The following PLCG1 variants were observed in gnomAD, a reference collection of about 807,000 sequenced individuals.
PLCG1 encodes the protein 1-phosphatidylinositol 4,5-bisphosphate phosphodiesterase gamma-1.
A neutral mutation model predicts 177.8 loss-of-function variants in PLCG1; 71 were observed. That is an observed-to-expected ratio of 0.40 (90% CI 0.33 to 0.49). The LOEUF (loss-of-function observed/expected upper bound fraction) is 0.49, where lower values mean the gene tolerates loss of function less well. PLCG1 is among the 20% of genes least tolerant of loss of function. PLCG1 has a pLI of 0.72. For synonymous variants in PLCG1, 658 were observed against 647.9 expected (o/e 1.02, Z -0.24); for missense variants, 1,281 against 1,709.0 (o/e 0.75, Z 4.42).
rs928880030 is a variant in PLCG1 at position 41,157,901 on chromosome 20, C to T, written c.218-1705C>T. Among the ~76,000 whole-genome samples, 2 of 152,104 alleles carry T rather than the reference C, an allele frequency of 1.3e-5. No homozygotes were observed. Among genetic ancestry groups the T allele is most frequent in the African/African-American group, 4.8e-5 (2 of 41,386 alleles). On this transcript the variant is annotated intron_variant, in intron 1 of 31. Coordinates refer to ENST00000685551, the MANE Select transcript of PLCG1 (RefSeq NM_002660.3). This position sits in a 1 kb window ranked among gnomAD's most constrained non-coding sequence, Gnocchi z 5.4. ...TTGTTCTCCTTAGACTGGCAGTGGGCAGCCTCGGGAGGGGCTTGAATGAGG... is the reference window on the plus strand; with the variant it reads ...TTGTTCTCCTTAGACTGGCAGTGGGTAGCCTCGGGAGGGGCTTGAATGAGG...
chr20:41,162,235 G>GGTT, intron 4 of PLCG1: 1 of 141,422 alleles, frequency 7.1e-6, no homozygotes, highest in Non-Finnish European at 1.3e-5. Flanking sequence ...TTTTGTTTTT[G>GGTT]TTTTTTTTTT....
Position 41,166,243 on chromosome 20 carries a change from G to A in PLCG1, c.1849G>A (p.Gly617Arg). ...CCGTATCCACTCCCGGCAAGATGCT[G>A]GGACCCCCAAGTTCTTCTTGACAGA... ...HCRIHSRQDA[G>R]TPKFFLTDNL... The change falls in exon 17 of 32, where the codon GGG (glycine) becomes AGG (arginine). Residue 617 changes from glycine (G) to arginine (R), a missense_variant. This residue lies in a region of PLCG1 where 723 missense variants were observed against 1,030.0 expected (regional missense o/e 0.70). Transcript: ENST00000685551. The surrounding 1 kb of genome is among the most constrained non-coding windows in gnomAD (Gnocchi z 8.6). The A allele has an allele frequency of 6.2e-7, 1 of 1,614,088 alleles. No individual in the cohort carries two copies.
At chr20:41,168,542 A>T (rs2035780914) in intron 20 of PLCG1, among the ~76,000 whole-genome samples, 4 of 152,186 alleles carry the variant, frequency 2.6e-5, no homozygotes, top group African/African-American at 4.8e-5. Context: ...GTCCCGAGGT[A>T]TTTCACTGGC....
At chr20:41,155,208 A>G (rs1416661850) in intron 1 of PLCG1, among the ~76,000 whole-genome samples, 1 of 152,256 alleles carries the variant, frequency 6.6e-6, no homozygotes, top group East Asian at 1.9e-4. Context: ...CCCAGGTGCC[A>G]GGCAGCAGGC....
chr20:41,154,152 C>T (rs1015257956), intron 1 of PLCG1, among the ~76,000 whole-genome samples: 6 of 152,194 alleles, frequency 3.9e-5, no homozygotes, highest in Admixed American at 3.3e-4. Flanking sequence ...GTCCAGGCCT[C>T]CTGCCCACCT....
rs993691382 is a variant in PLCG1, at chr20:41,150,505, C to T, written c.218-9101C>T. ...ACAGGCCATCTAGAAAGAACTTAGG[C>T]AGCATCAGTCTGCAAGGGAGGCAGA... On this transcript the variant is annotated intron_variant, in intron 1 of 31. Coordinates refer to ENST00000685551, the MANE Select transcript of PLCG1 (RefSeq NM_002660.3). This position sits in a 1 kb window ranked among gnomAD's most constrained non-coding sequence, Gnocchi z 4.0. 6.6e-6 allele frequency among the ~76,000 whole-genome samples: 1 copy of T among 152,102 alleles called. No individual in the cohort carries two copies. Among genetic ancestry groups the T allele is most frequent in the Admixed American group, 6.5e-5 (1 of 15,272 alleles).
intron 1 of PLCG1, among the ~76,000 whole-genome samples, chr20:41,140,796 G>C (rs901553748): frequency 5.3e-5 from 8 of 152,214 alleles, no homozygotes; most frequent in African/African-American, 1.9e-4. Flanking sequence ...CAGTTATGTA[G>C]AGTTCCAGCT....
At chr20:41,169,625 C>A in intron 23 of PLCG1, 99 bp downstream of exon 23, 1 of 917,866 alleles carries the variant, frequency 1.1e-6, no homozygotes, top group African/African-American at 1.6e-5. Flanking sequence ...TGGCTGAACC[C>A]CAAAGTCTGC....
At chr20:41,143,670 A>C (rs2034902522) in intron 1 of PLCG1, among the ~76,000 whole-genome samples, 2 of 152,232 alleles carry the variant, frequency 1.3e-5, no homozygotes, top group Non-Finnish European at 2.9e-5. Context: ...ATTGAGCTGA[A>C]GTGCCTGGAG....
Position 41,159,656 on chromosome 20 carries a change from TTTG to T in PLCG1, c.269_271del (p.Phe90_Asp91delinsTyr), listed in dbSNP as rs1469509735. On this transcript the variant is annotated inframe_deletion, in exon 2 of 32. Coordinates refer to ENST00000685551, the MANE Select transcript of PLCG1 (RefSeq NM_002660.3). This position sits in a 1 kb window ranked among gnomAD's most constrained non-coding sequence, Gnocchi z 6.0. Reference sequence around the variant, plus strand: ...CCGCCCAGGGAAGACCTCACGGGACTTTGATCGCTATCAAGAGGACCCAGCTTT... The same window carrying T: ...CCGCCCAGGGAAGACCTCACGGGACTATCGCTATCAAGAGGACCCAGCTTT... The T allele has an allele frequency of 1.9e-6, 3 of 1,614,234 alleles. No homozygotes were observed. The highest frequency in any genetic ancestry group is 2.5e-6 in the Non-Finnish European group (3 of 1,180,040).
In PLCG1 at chr20:41,164,902, TG is replaced by T; in HGVS notation, c.1218-30del. 2 of 1,599,656 alleles carry T rather than the reference TG, an allele frequency of 1.3e-6. No individual in the cohort carries two copies. Among genetic ancestry groups the T allele is most frequent in the Non-Finnish European group, 1.7e-6 (2 of 1,170,080 alleles). ...CTTAGACCCAGAGAATTGCAGAATC[TG>T]TTTCACTGTGCTTGTCCCCCATCCC... On this transcript the variant is annotated intron_variant, in intron 12 of 31. Transcript: ENST00000685551. The surrounding 1 kb of genome is among the most constrained non-coding windows in gnomAD (Gnocchi z 6.4).
In PLCG1 at chr20:41,151,057, A is replaced by T. The variant is rs1314671600; in HGVS notation, c.218-8549A>T. ...ATGAATGACTGCATAAGCCGAATAG[A>T]TCACTGCTGAGTGCTCTTCCAGCTT... On this transcript the variant is annotated intron_variant, in intron 1 of 31. Transcript: ENST00000685551. The surrounding 1 kb of genome is among the most constrained non-coding windows in gnomAD (Gnocchi z 5.5). Among the ~76,000 whole-genome samples, 1 of 152,208 alleles carries T rather than the reference A, an allele frequency of 6.6e-6. No individual in the cohort carries two copies. Among genetic ancestry groups the T allele is most frequent in the Admixed American group, 6.5e-5 (1 of 15,284 alleles).
At position 41,163,796 on chromosome 20, in the gene PLCG1, C is replaced by G. The variant is rs776899207; in HGVS notation, c.973C>G (p.Pro325Ala). 17 of 1,613,666 alleles carry G rather than the reference C, an allele frequency of 1.1e-5. No homozygotes were observed. Among genetic ancestry groups the G allele is most frequent in the African/African-American group, 4.0e-5 (3 of 74,904 alleles). ...DAVCPDTMNNPLSHYWISSSH... is the reference protein window; with the variant it reads ...DAVCPDTMNNALSHYWISSSH... ...AGTATGCCCGGACACCATGAACAACCCTCTTTCCCACTACTGGATCTCCTC... is the reference window on the plus strand; with the variant it reads ...AGTATGCCCGGACACCATGAACAACGCTCTTTCCCACTACTGGATCTCCTC... Residue 325 changes from proline (P) to alanine (A), a missense_variant, in exon 10 of 32, where the codon CCT becomes GCT. Physicochemically the swap from Pro to Ala is conservative, Grantham distance 27. This residue lies in a region of PLCG1 where 374 missense variants were observed against 443.8 expected (regional missense o/e 0.84). Coordinates refer to ENST00000685551, the MANE Select transcript of PLCG1 (RefSeq NM_002660.3). The surrounding 1 kb of genome is among the most constrained non-coding windows in gnomAD (Gnocchi z 5.2).
chr20:41,169,017 G>T, intron 21 of PLCG1, 62 bp from the exon 22 acceptor site: 1 of 1,363,494 alleles, frequency 7.3e-7, no homozygotes, highest in Non-Finnish European at 1.1e-6. Flanking sequence ...CCTACCAAAG[G>T]ATACCCTCCT....
chr20:41,154,435 G>T (rs1364335609), intron 1 of PLCG1, among the ~76,000 whole-genome samples: 1 of 152,250 alleles, frequency 6.6e-6, no homozygotes, highest in Non-Finnish European at 1.5e-5. Flanking sequence ...TGTGCTCTGA[G>T]GAGCCCTGCC....
At chr20:41,168,933 CAT>C in intron 21 of PLCG1, 63 bp downstream of exon 21, 1 of 1,243,154 alleles carries the variant, frequency 8.0e-7, no homozygotes, top group South Asian at 1.2e-5. Context: ...GCCCCAAAGA[CAT>C]GCATTTGTGA....
chr20:41,164,053 G>C lies in PLCG1; in HGVS notation c.1097-28G>C. On this transcript the variant is annotated intron_variant, in intron 11 of 31. Coordinates refer to ENST00000685551, the MANE Select transcript of PLCG1 (RefSeq NM_002660.3). This position sits in a 1 kb window ranked among gnomAD's most constrained non-coding sequence, Gnocchi z 6.4. ...GGGAGGGAAGATGGGAGGCCTGCCCGCTTGACCATGGTGATGTTGCTCCCC... is the reference window on the plus strand; with the variant it reads ...GGGAGGGAAGATGGGAGGCCTGCCCCCTTGACCATGGTGATGTTGCTCCCC... 1 of 1,614,134 alleles carries C rather than the reference G, an allele frequency of 6.2e-7. No homozygotes were observed. Among genetic ancestry groups the C allele is most frequent in the Non-Finnish European group, 8.5e-7 (1 of 1,180,024 alleles).
Position 41,167,841 on chromosome 20 carries a change from C to T in PLCG1, c.2302-11C>T. The T allele has an allele frequency of 1.2e-6, 2 of 1,604,302 alleles. No homozygotes were observed. Among genetic ancestry groups the T allele is most frequent in the South Asian group, 1.1e-5 (1 of 90,860 alleles). Reference sequence around the variant, plus strand: ...GGGGCATTAACATATCCCATTGTGTCCTGTTTCCAGGAGCCTGACTACGGG... The same window carrying T: ...GGGGCATTAACATATCCCATTGTGTTCTGTTTCCAGGAGCCTGACTACGGG... On this transcript the variant is annotated splice_polypyrimidine_tract_variant and intron_variant, in intron 19 of 31. Coordinates refer to ENST00000685551, the MANE Select transcript of PLCG1 (RefSeq NM_002660.3). This position sits in a 1 kb window ranked among gnomAD's most constrained non-coding sequence, Gnocchi z 4.4.
At chr20:41,140,144 T>C (rs2034774101) in intron 1 of PLCG1, among the ~76,000 whole-genome samples, 1 of 152,184 alleles carries the variant, frequency 6.6e-6, no homozygotes, top group Non-Finnish European at 1.5e-5. Flanking sequence ...TTCAGTGATC[T>C]CATCAGTTAG....
Sources: allele counts gnomAD v4.1 joint callset (sites outside exome capture counted in the v4.1 genomes callset), GRCh38; gene constraint gnomAD v4.1.1; regional missense constraint gnomAD v4.1.1; non-coding constraint Gnocchi (gnomAD v3.1); transcripts MANE v1.5; gene names NCBI Gene and HGNC (gene_info 2026-07-23, HGNC 2026-07-21).